The following KAT8 variants were observed in gnomAD, a reference collection of about 807,000 sequenced individuals.
KAT8 encodes the protein histone acetyltransferase KAT8.
A neutral mutation model predicts 62.9 loss-of-function variants in KAT8; 40 were observed. That is an observed-to-expected ratio of 0.64 (90% confidence interval 0.49 to 0.83). KAT8 has a LOEUF of 0.83. Ranked by LOEUF, KAT8 falls within the 40% of genes least tolerant of loss-of-function variation. The pLI, the probability that KAT8 is intolerant of heterozygous loss-of-function variation, is 0.00. For synonymous variants in KAT8, 278 were observed against 254.5 expected (o/e 1.09, Z -0.88); for missense variants, 387 against 614.8 (o/e 0.63, Z 3.92).
intron 3 of KAT8, chr16:31,122,303 A>G (rs2057500818): frequency 6.6e-6 from 1 of 152,220 alleles, no homozygotes; most frequent in Admixed American, 6.6e-5. Flanking sequence ...TTCACACCCA[A>G]TAAAAGTGTG....
rs1229847575 is a variant in KAT8 at position 31,117,678 on chromosome 16, C to A, written c.-4C>A. The A allele has an allele frequency of 2.9e-6, 4 of 1,389,602 alleles. No individual in the cohort carries two copies. The South Asian group carries it at 6.3e-5, about 22-fold the overall frequency. 86.1% of individuals were successfully genotyped at this position (1,389,602 alleles called of 1,614,324 possible). A position where few individuals can be genotyped will look rare whatever the true frequency, so the allele number is the denominator to read the frequency against. ...CCGATTCTGGCGTCACTTCCCTTCC[C>A]GCGATGGCGGCACAGGGAGCTGCTG... On this transcript the variant is annotated 5_prime_UTR_variant, in exon 1 of 11. Coordinates refer to ENST00000219797, the MANE Select transcript of KAT8 (RefSeq NM_032188.3).
intron 4 of KAT8, 41 bp downstream of exon 4, chr16:31,127,129 C>T (rs757764886): frequency 6.2e-7 from 1 of 1,613,974 alleles, no homozygotes; most frequent in African/African-American, 1.3e-5. Context: ...CCCCCGTCTC[C>T]CCTTGCCGAG....
At chr16:31,126,704 C>A (rs561631302) in intron 3 of KAT8, 15 of 320,492 alleles carry the variant, frequency 4.7e-5, no homozygotes, top group African/African-American at 3.2e-4. Context: ...TCTGTTATTT[C>A]ATTTGAGTCT....
chr16:31,126,931 A>G, intron 3 of KAT8, 104 bp from the exon 4 acceptor site: 2 of 1,229,024 alleles, frequency 1.6e-6, no homozygotes, highest in Middle Eastern at 1.9e-4. Flanking sequence ...GCCATCCAGG[A>G]ATGAGGTCTG....
chr16:31,126,831 C>T (rs929480208), intron 3 of KAT8: 10 of 416,532 alleles, frequency 2.4e-5, no homozygotes, highest in South Asian at 4.8e-5. Flanking sequence ...TCTGGGATAT[C>T]GGGGGTGGGG....
chr16:31,117,841 AC>A lies in KAT8; in HGVS notation c.161del (p.Thr54ArgfsTer22). 6.9e-7 allele frequency: 1 copy of A among 1,442,936 alleles called. No homozygotes were observed. Among genetic ancestry groups the A allele is most frequent in the African/African-American group, 1.5e-5 (1 of 67,784 alleles). 89.4% of individuals were successfully genotyped at this position (1,442,936 alleles called of 1,614,324 possible). On this transcript the variant is annotated frameshift_variant, in exon 1 of 11. Transcript: ENST00000219797. LOFTEE classifies it high-confidence loss of function. ...CCCGGCGCGCGGCGAGCCGGAAGTC[AC>A]GGTGGAGATCGGAGAAACGTACCTG... is the stretch of plus-strand genomic sequence containing the variant. ...PTPARGEPEV[T>X]VEIGETYLCR...
rs1291956195 is a variant in KAT8 at position 31,130,311 on chromosome 16, C to A, written c.957C>A (p.Thr319=). ...PDGNNVACIL[T]LPPYQRRGYG... is the part of the protein sequence containing the mutation. ...GAAACAATGTGGCCTGCATCCTGAC[C>A]TTGCCCCCCTACCAACGCCGCGGCT... Residue 319 remains threonine (T), a synonymous_variant, in exon 8 of 11, where the codon ACC becomes ACA. Transcript: ENST00000219797. The A allele has an allele frequency of 6.2e-7, 1 of 1,614,222 alleles. No homozygotes were observed. The highest frequency in any genetic ancestry group is 2.2e-5 in the East Asian group (1 of 44,878).
chr16:31,128,785 G>A (rs1567436879), intron 6 of KAT8, among the ~76,000 whole-genome samples: 1 of 152,388 alleles, frequency 6.6e-6, no homozygotes, highest in Admixed American at 6.5e-5. Flanking sequence ...ACTGCTTTGT[G>A]TGAAATTTCC....
At chr16:31,124,471 G>A (rs1018307688) in intron 3 of KAT8, among the ~76,000 whole-genome samples, 1 of 151,758 alleles carries the variant, frequency 6.6e-6, no homozygotes, top group Non-Finnish European at 1.5e-5. Context: ...GTGAAAGCCC[G>A]TCTCTACTAA....
At chr16:31,120,559 C>G (rs750044573) in intron 3 of KAT8, 45 bp downstream of exon 3, 9 of 1,565,498 alleles carry the variant, frequency 5.7e-6, no homozygotes, top group Non-Finnish European at 7.0e-6. Flanking sequence ...CCCAGCTTCT[C>G]TGCCAGTTCC....
Position 31,130,475 on chromosome 16 carries a change from G to A in KAT8, c.1026G>A (p.Leu342=). ...LIAFSYELSK[L]ESTVGSPEKP... ...TGCCAGGTTATGAGCTCTCCAAGCT[G>A]GAGAGCACAGTCGGCTCCCCGGAGA... The change falls in exon 9 of 11, where the codon CTG becomes CTA. Residue 342 remains leucine, a synonymous_variant. Coordinates refer to ENST00000219797, the MANE Select transcript of KAT8 (RefSeq NM_032188.3). 1 of 1,614,172 alleles carries A rather than the reference G, an allele frequency of 6.2e-7. No homozygotes were observed. The highest frequency in any genetic ancestry group is 8.5e-7 in the Non-Finnish European group (1 of 1,180,002).
intron 1 of KAT8, among the ~76,000 whole-genome samples, chr16:31,119,147 A>G (rs1440471430): frequency 5.3e-5 from 8 of 150,854 alleles, no homozygotes; most frequent in African/African-American, 1.9e-4. Flanking sequence ...AATTTTGTGT[A>G]TTTTTTTTTG....
Position 31,130,446 on chromosome 16 carries a change from C to A in KAT8, c.1007-10C>A. On this transcript the variant is annotated splice_polypyrimidine_tract_variant and intron_variant, in intron 8 of 10. Transcript: ENST00000219797. ...GCTGGATCCTAAGTTCCTCTTTCTA[C>A]TGCTGCCAGGTTATGAGCTCTCCAA... 6.2e-7 allele frequency: 1 copy of A among 1,614,130 alleles called. No homozygotes were observed. Among genetic ancestry groups the A allele is most frequent in the Non-Finnish European group, 8.5e-7 (1 of 1,179,954 alleles).
chr16:31,127,379 C>T (rs1412489301), intron 5 of KAT8, 26 bp downstream of exon 5: 1 of 1,612,386 alleles, frequency 6.2e-7, no homozygotes, highest in Non-Finnish European at 8.5e-7. Flanking sequence ...CCGGGCCGAG[C>T]TGGGCAGGGG....
At chr16:31,119,950 G>T (rs2057480977) in intron 1 of KAT8, among the ~76,000 whole-genome samples, 1 of 151,976 alleles carries the variant, frequency 6.6e-6, no homozygotes, top group African/African-American at 2.4e-5. Flanking sequence ...AGAAGTACTG[G>T]GATTACAGGT....
chr16:31,129,914 T>C (rs1291660097), intron 6 of KAT8, 103 bp from the exon 7 acceptor site: 24 of 1,308,058 alleles, frequency 1.8e-5, no homozygotes, highest in Non-Finnish European at 2.3e-5. Context: ...CCTTCTGGCC[T>C]GGCGAGGCGC....
chr16:31,118,185 TC>T (rs754468063), intron 1 of KAT8: 6 of 335,768 alleles, frequency 1.8e-5, no homozygotes, highest in Non-Finnish European at 2.7e-5. Flanking sequence ...CATTCCTTTT[TC>T]TTGCTAACGC....
Position 31,128,591 on chromosome 16 carries a change from G to A in KAT8, c.771+452G>A, listed in dbSNP as rs144729864. 3.5e-3 allele frequency among the ~76,000 whole-genome samples: 539 copies of A among 152,246 alleles called. 2 individuals carry two copies. The highest frequency in any genetic ancestry group is 0.012 in the African/African-American group (509 of 41,564). ...TGAGGGCCTCCTAGCCTGGCACTAG[G>A]CCTGTAGTTGGTGCATAGGAAACAC... On this transcript the variant is annotated intron_variant, in intron 6 of 10. Transcript: ENST00000219797.
At position 31,121,838 on chromosome 16, in the gene KAT8, A is replaced by G. The variant is rs1437686664; in HGVS notation, c.462+1324A>G. Among the ~76,000 whole-genome samples the G allele has an allele frequency of 4.0e-5, 6 of 151,880 alleles. No individual in the cohort carries two copies. The East Asian group carries it at 1.2e-3, about 29-fold the overall frequency. On this transcript the variant is annotated intron_variant, in intron 3 of 10. Transcript: ENST00000219797. ...ACAATCATGGCTCACTTCAGCCTCAACCTCCTGGGCTCAAGCAATCCTCCT... is the reference window on the plus strand; with the variant it reads ...ACAATCATGGCTCACTTCAGCCTCAGCCTCCTGGGCTCAAGCAATCCTCCT...
Sources: allele counts gnomAD v4.1 joint callset (sites outside exome capture counted in the v4.1 genomes callset), GRCh38; gene constraint gnomAD v4.1.1; transcripts MANE v1.5; gene names NCBI Gene and HGNC (gene_info 2026-07-23, HGNC 2026-07-21).